The following KIF6 variants were observed in gnomAD, a reference collection of about 807,000 sequenced individuals.
The protein encoded by KIF6 is kinesin family member 6.
In KIF6, 106 loss-of-function variants were observed where a neutral mutation model predicts 112.7. That is an observed-to-expected ratio of 0.94 (90% CI 0.80 to 1.11). The LOEUF (loss-of-function observed/expected upper bound fraction) is 1.11, where lower values mean the gene tolerates loss of function less well. Ranked by LOEUF, KIF6 falls within the 50% of genes least tolerant of loss-of-function variation. KIF6 has a pLI of 0.00. For synonymous variants in KIF6, 339 were observed against 339.9 expected, an observed-to-expected ratio of 1.00 and a Z score of 0.03; for missense variants, 929 against 964.0, an observed-to-expected ratio of 0.96 and a Z score of 0.48.
intron 3 of KIF6, among the ~76,000 whole-genome samples, chr6:39,641,001 G>A (rs375483544): frequency 3.3e-5 from 5 of 152,006 alleles, no homozygotes; most frequent in African/African-American, 4.8e-5. Context: ...ACTTTTCTTC[G>A]TGTGTCTTTA....
intron 19 of KIF6, among the ~76,000 whole-genome samples, chr6:39,354,769 C>A (rs1480129424): frequency 1.3e-5 from 2 of 152,218 alleles, no homozygotes; most frequent in Non-Finnish European, 2.9e-5. Flanking sequence ...ACCATGATTT[C>A]ATTAATTTCA....
At chr6:39,502,806 A>G (rs192015411) in intron 13 of KIF6, among the ~76,000 whole-genome samples, 12 of 152,252 alleles carry the variant, frequency 7.9e-5, no homozygotes, top group Non-Finnish European at 1.6e-4. Context: ...TATACTAAAT[A>G]TATATGCACT....
At chr6:39,418,304 G>A (rs1383982704) in intron 15 of KIF6, among the ~76,000 whole-genome samples, 1 of 152,172 alleles carries the variant, frequency 6.6e-6, no homozygotes, top group African/African-American at 2.4e-5. Context: ...GCAGTCTGAT[G>A]ACCTTACGGA....
At chr6:39,489,589 C>A (rs1322550053) in intron 13 of KIF6, among the ~76,000 whole-genome samples, 1 of 152,118 alleles carries the variant, frequency 6.6e-6, no homozygotes, top group Non-Finnish European at 1.5e-5. Flanking sequence ...GTGGCAACAG[C>A]AGCCATATTT....
chr6:39,593,760 T>A (rs1035383057), intron 7 of KIF6, among the ~76,000 whole-genome samples: 1 of 152,182 alleles, frequency 6.6e-6, no homozygotes, highest in Non-Finnish European at 1.5e-5. Flanking sequence ...CCATCCTTGA[T>A]TGGCTCGCCT....
chr6:39,371,313 G>A (rs1562143492), intron 16 of KIF6, among the ~76,000 whole-genome samples: 1 of 152,120 alleles, frequency 6.6e-6, no homozygotes. Context: ...GGTATGCTGG[G>A]CCTATTCCTA....
chr6:39,452,523 G>A (rs1016452426), intron 13 of KIF6, among the ~76,000 whole-genome samples: 2 of 152,128 alleles, frequency 1.3e-5, no homozygotes, highest in Non-Finnish European at 2.9e-5. Context: ...CCTCTGGCTG[G>A]GTTTCCTCTT....
rs755366325 is a variant in KIF6 at position 39,544,642 on chromosome 6, T to C, written c.1339A>G (p.Ser447Gly). The change falls in exon 12 of 23, where the codon AGC (serine) becomes GGC (glycine). Residue 447 changes from serine (S) to glycine (G), a missense_variant. Ser to Gly is a moderately conservative substitution (Grantham distance 56). Coordinates refer to ENST00000287152, the MANE Select transcript of KIF6 (RefSeq NM_145027.6). ...GGTTCTTGACAATCTTGGTCTTTGC[T>C]TTCAGAGGAGACTGTATTGTTTTCA... is the stretch of plus-strand genomic sequence containing the variant. ...ILENNTVSSE[S>G]KDQDCQEPLK... 1.1e-5 allele frequency: 17 copies of C among 1,612,170 alleles called. No individual in the cohort carries two copies. The East Asian group carries it at 2.5e-4, about 23-fold the overall frequency.
intron 13 of KIF6, among the ~76,000 whole-genome samples, chr6:39,451,971 C>G (rs1260233569): frequency 6.6e-6 from 1 of 152,150 alleles, no homozygotes; most frequent in Non-Finnish European, 1.5e-5. Flanking sequence ...GAATCAGATA[C>G]TACAAAGACA....
intron 2 of KIF6, among the ~76,000 whole-genome samples, chr6:39,716,922 C>G (rs1789885245): frequency 6.6e-6 from 1 of 152,158 alleles, no homozygotes; most frequent in African/African-American, 2.4e-5. Context: ...TTCTACTATA[C>G]TTTATGTCTA....
At chr6:39,508,989 T>C (rs1404742633) in intron 13 of KIF6, among the ~76,000 whole-genome samples, 1 of 152,020 alleles carries the variant, frequency 6.6e-6, no homozygotes. Flanking sequence ...GACAGACACC[T>C]CATACAGGTG....
intron 3 of KIF6, among the ~76,000 whole-genome samples, chr6:39,705,598 G>C (rs1198481207): frequency 6.6e-6 from 1 of 152,156 alleles, no homozygotes; most frequent in Admixed American, 6.5e-5. Context: ...GTGAACAAAG[G>C]TAAAGAGGAG....
At position 39,512,734 on chromosome 6, in the gene KIF6, CCT is replaced by C. The variant is rs371167899; in HGVS notation, c.1645+27267_1645+27268del. Among the ~76,000 whole-genome samples the C allele has an allele frequency of 2.2e-4, 33 of 152,288 alleles. No homozygotes were observed. In the East Asian group the frequency reaches 4.1e-3, roughly 19 times the overall value. On this transcript the variant is annotated intron_variant, in intron 13 of 22. Coordinates refer to ENST00000287152, the MANE Select transcript of KIF6 (RefSeq NM_145027.6). ...TGCGTCCCTGACATCTATCCTGGCT[CCT>C]GCAGATCCTTTCAACCAGAGGCCTA... is the stretch of plus-strand genomic sequence containing the variant.
chr6:39,420,388 T>C (rs555236760), intron 14 of KIF6, among the ~76,000 whole-genome samples: 1 of 152,350 alleles, frequency 6.6e-6, no homozygotes, highest in African/African-American at 2.4e-5. Context: ...TTTCTGATTA[T>C]AAAATAATAT....
At chr6:39,664,604 T>C (rs1036495529) in intron 3 of KIF6, among the ~76,000 whole-genome samples, 1 of 152,216 alleles carries the variant, frequency 6.6e-6, no homozygotes, top group African/African-American at 2.4e-5. Context: ...ATTTAATTGC[T>C]TGAAGTACAG....
intron 3 of KIF6, among the ~76,000 whole-genome samples, chr6:39,646,720 C>T (rs1038868381): frequency 1.3e-5 from 2 of 152,126 alleles, no homozygotes; most frequent in African/African-American, 2.4e-5. Flanking sequence ...AATAGAAATA[C>T]GCTATATACA....
rs1256842203 is a variant in KIF6, at chr6:39,333,691, T to A, written c.*2841A>T. The stretch of plus-strand genomic sequence containing the variant: ...TGTATTCAGTATACCACAATTTCTC[T>A]ATCTGCTTTCTAAAACTCCTTTTTA... On this transcript the variant is annotated 3_prime_UTR_variant, in exon 23 of 23. Transcript: ENST00000287152. 6.6e-6 allele frequency: 1 copy of A among 152,258 alleles called. No homozygotes were observed. The highest frequency in any genetic ancestry group is 1.9e-4 in the East Asian group (1 of 5,206). 9.4% of individuals were successfully genotyped at this position (152,258 alleles called of 1,614,324 possible).
At chr6:39,431,210 A>G (rs777119352) in intron 13 of KIF6, 49 bp from the exon 14 acceptor site, 3 of 1,067,842 alleles carry the variant, frequency 2.8e-6, no homozygotes, top group East Asian at 2.4e-5. Flanking sequence ...TCAGGATCCT[A>G]TTAATTTCAT....
At position 39,724,310 on chromosome 6, in the gene KIF6, G is replaced by C. The variant is rs1479888310; in HGVS notation, c.66+935C>G. 2.6e-5 allele frequency among the ~76,000 whole-genome samples: 4 copies of C among 152,050 alleles called. No individual in the cohort carries two copies. In the South Asian group the frequency reaches 8.3e-4, roughly 32 times the overall value. On this transcript the variant is annotated intron_variant, in intron 1 of 22. Transcript: ENST00000287152. ...CTTCTAAAACCACAAAAAATTAACC[G>C]GGCGTGGTGGCGGGCACCTGTAGTC...
Sources: gnomAD v4.1 joint callset for allele counts (sites outside exome capture counted in the v4.1 genomes callset) on GRCh38, gnomAD v4.1.1 for gene constraint, MANE v1.5 for transcripts, NCBI Gene and HGNC (gene_info 2026-07-23, HGNC 2026-07-21) for gene names.